NXPH1: variants seen among roughly 807,000 people sequenced by gnomAD.
NXPH1 encodes the protein neurexophilin-1.
A neutral mutation model predicts 23.7 loss-of-function variants in NXPH1; 5 were observed. That is an observed-to-expected ratio of 0.21 (90% CI 0.11 to 0.44). The LOEUF (loss-of-function observed/expected upper bound fraction) is 0.44. Ranked by LOEUF, NXPH1 falls within the 20% of genes least tolerant of loss-of-function variation. The pLI is 0.99. For synonymous variants in NXPH1, 144 were observed against 122.2 expected (o/e 1.18, Z -1.18); for missense variants, 324 against 321.6 (o/e 1.01, Z -0.06).
chr7:8,449,572 A>G (rs986382444), intron 2 of NXPH1, among the ~76,000 whole-genome samples: 4 of 152,178 alleles, frequency 2.6e-5, no homozygotes, highest in Non-Finnish European at 4.4e-5. Flanking sequence ...GATATGGTTG[A>G]TAATACCCAT....
At position 8,713,696 on chromosome 7, in the gene NXPH1, CTGTAG is replaced by C. The variant is rs529601940; in HGVS notation, c.55-37310_55-37306del. 2.1e-3 allele frequency among the ~76,000 whole-genome samples: 314 copies of C among 152,358 alleles called. 2 individuals are homozygous for C. The highest frequency in any genetic ancestry group is 3.4e-3 in the Middle Eastern group (1 of 294). ...AGGGAGTACCCCAAGTGCAATAACA[CTGTAG>C]TTCTTGCAGATTTACAGAGTTATCA... On this transcript the variant is annotated intron_variant, in intron 2 of 2. Coordinates refer to ENST00000405863, the MANE Select transcript of NXPH1 (RefSeq NM_152745.3).
intron 2 of NXPH1, among the ~76,000 whole-genome samples, chr7:8,651,581 C>T (rs1232226344): frequency 6.6e-6 from 1 of 151,976 alleles, no homozygotes; most frequent in Non-Finnish European, 1.5e-5. Context: ...AGTTTACAGT[C>T]CCACCAACAG....
chr7:8,473,999 G>C (rs1028117020), intron 2 of NXPH1, among the ~76,000 whole-genome samples: 1 of 152,110 alleles, frequency 6.6e-6, no homozygotes, highest in African/African-American at 2.4e-5. Context: ...ACCAGTGAGT[G>C]GACAGCTCAT....
At chr7:8,744,313 A>G (rs1474376238) in intron 2 of NXPH1, among the ~76,000 whole-genome samples, 1 of 152,314 alleles carries the variant, frequency 6.6e-6, no homozygotes, top group East Asian at 1.9e-4. Context: ...GCCACTTTTG[A>G]CATGGAAAAT....
Position 8,751,156 on chromosome 7 carries a change from A to G in NXPH1, c.203A>G (p.Asn68Ser), listed in dbSNP as rs1780558514. 1 of 1,613,848 alleles carries G rather than the reference A, an allele frequency of 6.2e-7. No homozygotes were observed. Among genetic ancestry groups the G allele is most frequent in the South Asian group, 1.1e-5 (1 of 91,086 alleles). The change falls in exon 3 of 3, where the codon AAT (asparagine) becomes AGT (serine). Residue 68 changes from asparagine (N) to serine (S), a missense_variant. Physicochemically the swap from Asn to Ser is conservative, Grantham distance 46 (BLOSUM62 1). Coordinates refer to ENST00000405863, the MANE Select transcript of NXPH1 (RefSeq NM_152745.3). This position sits in a 1 kb window ranked among gnomAD's most constrained non-coding sequence, Gnocchi z 4.5. Reference protein sequence around the residue: ...LLSQTFRGKENDTDLDLRYDT... With the variant: ...LLSQTFRGKESDTDLDLRYDT... ...TCACAGACTTTTCGTGGCAAAGAGA[A>G]TGATACAGATTTGGACCTGAGATAT...
intron 2 of NXPH1, among the ~76,000 whole-genome samples, chr7:8,450,535 C>A (rs1227892274): frequency 6.6e-6 from 1 of 152,176 alleles, no homozygotes; most frequent in African/African-American, 2.4e-5. Flanking sequence ...AGGAATTTAT[C>A]TATTTCTGAA....
rs886305680 is a variant in NXPH1 at position 8,630,193 on chromosome 7, T to C, written c.55-120815T>C. On this transcript the variant is annotated intron_variant, in intron 2 of 2. Coordinates refer to ENST00000405863, the MANE Select transcript of NXPH1 (RefSeq NM_152745.3). ...GGTGACATTCTAGTTCTGGGTCCTG[T>C]GCTTCATTAAGAGACTTCACCTGGA... 2.0e-5 allele frequency among the ~76,000 whole-genome samples: 3 copies of C among 152,158 alleles called. No individual in the cohort carries two copies. The East Asian group carries it at 5.8e-4, about 29-fold the overall frequency.
chr7:8,484,773 T>C (rs1439321112), intron 2 of NXPH1, among the ~76,000 whole-genome samples: 1 of 152,216 alleles, frequency 6.6e-6, no homozygotes, highest in Non-Finnish European at 1.5e-5. Flanking sequence ...GTATCCTTTC[T>C]TTAATCAGGG....
intron 2 of NXPH1, among the ~76,000 whole-genome samples, chr7:8,750,039 C>T (rs1459117345): frequency 6.6e-6 from 1 of 152,332 alleles, no homozygotes; most frequent in East Asian, 1.9e-4. Flanking sequence ...GAAGTGACCT[C>T]TCAGTCATTG....
At chr7:8,558,373 C>T (rs1818393449) in intron 2 of NXPH1, among the ~76,000 whole-genome samples, 1 of 151,606 alleles carries the variant, frequency 6.6e-6, no homozygotes, top group Admixed American at 6.6e-5. Flanking sequence ...ACTGGACATC[C>T]TGTTAGACTT....
intron 2 of NXPH1, among the ~76,000 whole-genome samples, chr7:8,719,420 A>G (rs567109369): frequency 6.6e-6 from 1 of 152,334 alleles, no homozygotes; most frequent in South Asian, 2.1e-4. Flanking sequence ...GATCAAAAAT[A>G]TTATGGCTTG....
intron 2 of NXPH1, among the ~76,000 whole-genome samples, chr7:8,498,652 G>C (rs532136520): frequency 5.9e-5 from 9 of 151,968 alleles, no homozygotes; most frequent in Non-Finnish European, 7.4e-5. Context: ...GGAAATTATA[G>C]CATGATGGGT....
At chr7:8,452,765 G>C (rs1414008937) in intron 2 of NXPH1, among the ~76,000 whole-genome samples, 3 of 152,114 alleles carry the variant, frequency 2.0e-5, no homozygotes, top group African/African-American at 7.2e-5. Flanking sequence ...TATAGAAGTT[G>C]GTGCCTGATA....
chr7:8,548,022 A>T (rs1183439723), intron 2 of NXPH1, among the ~76,000 whole-genome samples: 1 of 151,498 alleles, frequency 6.6e-6, no homozygotes, highest in Non-Finnish European at 1.5e-5. Flanking sequence ...TTGCTGGGTC[A>T]AATAATAGTT....
chr7:8,690,910 G>A (rs893056343), intron 2 of NXPH1, among the ~76,000 whole-genome samples: 7 of 152,082 alleles, frequency 4.6e-5, no homozygotes, highest in African/African-American at 1.7e-4. Context: ...TTGTTCATAG[G>A]ATCTTGCACT....
At chr7:8,470,385 C>T (rs1221932937) in intron 2 of NXPH1, among the ~76,000 whole-genome samples, 1 of 152,078 alleles carries the variant, frequency 6.6e-6, no homozygotes, top group African/African-American at 2.4e-5. Flanking sequence ...CTTGAAGACG[C>T]CTGAATTTTT....
chr7:8,547,408 C>T (rs1411215472), intron 2 of NXPH1, among the ~76,000 whole-genome samples: 1 of 151,326 alleles, frequency 6.6e-6, no homozygotes, highest in Non-Finnish European at 1.5e-5. Context: ...TGCCTGTACA[C>T]CTTGCTCAGT....
chr7:8,544,136 G>A (rs2128618802), intron 2 of NXPH1, among the ~76,000 whole-genome samples: 1 of 151,718 alleles, frequency 6.6e-6, no homozygotes, highest in East Asian at 2.0e-4. Context: ...TCACACAAGT[G>A]AGAAGATTCA....
intron 2 of NXPH1, among the ~76,000 whole-genome samples, chr7:8,500,862 A>G (rs1817419714): frequency 6.6e-6 from 1 of 152,084 alleles, no homozygotes. Context: ...ACATGTGATC[A>G]ATGGTTAAAT....
Sources: allele counts gnomAD v4.1 joint callset (sites outside exome capture counted in the v4.1 genomes callset), GRCh38; gene constraint gnomAD v4.1.1; non-coding constraint Gnocchi (gnomAD v3.1); transcripts MANE v1.5; gene names NCBI Gene and HGNC (gene_info 2026-07-23, HGNC 2026-07-21).